SLC36A1: variants seen among roughly 807,000 people sequenced by gnomAD.
SLC36A1 encodes the protein proton-coupled amino acid transporter 1.
In SLC36A1, 30 loss-of-function variants were observed where a neutral mutation model predicts 47.5. That is an observed-to-expected ratio of 0.63 (90% CI 0.47 to 0.86). The LOEUF (loss-of-function observed/expected upper bound fraction) is 0.86. Ranked by LOEUF, SLC36A1 falls within the 40% of genes least tolerant of loss-of-function variation. SLC36A1 has a pLI of 0.00. For missense variants in SLC36A1, 517 were observed against 606.0 expected (o/e 0.85, Z 1.54); for synonymous variants, 255 against 249.7 (o/e 1.02, Z -0.20).
At chr5:151,476,788 A>G in intron 9 of SLC36A1, 32 bp downstream of exon 9, 1 of 1,610,692 alleles carries the variant, frequency 6.2e-7, no homozygotes, top group Non-Finnish European at 8.5e-7. Flanking sequence ...ACCTAGGAGC[A>G]CTGGATATTT....
chr5:151,371,823 T>C, the SLC36A1 span, among the ~76,000 whole-genome samples: 1 of 152,192 alleles, frequency 6.6e-6, no homozygotes, highest in African/African-American at 2.4e-5. Flanking sequence ...AGGGGATAAA[T>C]GTGTACTGAT....
At chr5:151,465,252 TA>T in intron 5 of SLC36A1, 83 bp downstream of exon 5, 1 of 1,094,604 alleles carries the variant, frequency 9.1e-7, no homozygotes, top group Non-Finnish European at 1.4e-6. Flanking sequence ...GGAGACAGTG[TA>T]AAGCGTGGAA....
At chr5:151,513,370 A>G in the SLC36A1 span, among the ~76,000 whole-genome samples, 1 of 152,252 alleles carries the variant, frequency 6.6e-6, no homozygotes, top group African/African-American at 2.4e-5. Flanking sequence ...TGGGCTGGAT[A>G]AAGAAAATAT....
upstream of SLC36A1, among the ~76,000 whole-genome samples, chr5:151,442,912 G>T (rs961066070): frequency 6.6e-6 from 1 of 151,944 alleles, no homozygotes; most frequent in South Asian, 2.1e-4. Flanking sequence ...TTCTTTCTGT[G>T]TCTGGCTTAT....
chr5:151,464,815 A>G (rs1033627901), intron 4 of SLC36A1, among the ~76,000 whole-genome samples: 3 of 152,178 alleles, frequency 2.0e-5, no homozygotes, highest in African/African-American at 7.2e-5. Flanking sequence ...CCCAGTGGGT[A>G]CTACATTCTA....
chr5:151,441,710 T>C (rs1338075501), intron 1 of SLC36A1, among the ~76,000 whole-genome samples: 1 of 152,170 alleles, frequency 6.6e-6, no homozygotes, highest in Non-Finnish European at 1.5e-5. Flanking sequence ...TTCTATATTG[T>C]CTAACTTTTA....
chr5:151,516,477 C>G, the SLC36A1 span, among the ~76,000 whole-genome samples: 3 of 152,182 alleles, frequency 2.0e-5, no homozygotes, highest in Non-Finnish European at 4.4e-5. Flanking sequence ...GATCATGCCA[C>G]TGCCCTCCAG....
the SLC36A1 span, among the ~76,000 whole-genome samples, chr5:151,410,848 G>A: frequency 6.9e-6 from 1 of 144,484 alleles, no homozygotes; most frequent in Non-Finnish European, 1.5e-5. Context: ...GATAATTCTT[G>A]GTTGGGAGGG....
the SLC36A1 span, among the ~76,000 whole-genome samples, chr5:151,428,063 C>T: frequency 3.9e-5 from 6 of 152,272 alleles, no homozygotes; most frequent in African/African-American, 4.8e-5. Flanking sequence ...TTCAGCCTCC[C>T]GATTGTGGTG....
upstream of SLC36A1, among the ~76,000 whole-genome samples, chr5:151,446,189 A>G (rs1406884165): frequency 2.0e-5 from 3 of 152,178 alleles, no homozygotes; most frequent in Non-Finnish European, 2.9e-5. Flanking sequence ...ATTGTCTGAA[A>G]ATATTTTTTA....
the SLC36A1 span, among the ~76,000 whole-genome samples, chr5:151,555,596 C>T: frequency 1.3e-5 from 2 of 152,188 alleles, no homozygotes; most frequent in African/African-American, 2.4e-5. Context: ...TCTTGAACTC[C>T]TAACCCCAAG....
At chr5:151,478,373 A>G (rs1758359719) in intron 9 of SLC36A1, among the ~76,000 whole-genome samples, 1 of 152,332 alleles carries the variant, frequency 6.6e-6, no homozygotes, top group South Asian at 2.1e-4. Context: ...TACTCTGTGC[A>G]GTCAAGGCAC....
chr5:151,350,883 T>G, the SLC36A1 span, among the ~76,000 whole-genome samples: 1 of 151,970 alleles, frequency 6.6e-6, no homozygotes. Context: ...TTTTTTGTAG[T>G]GATGGGGTTT....
the SLC36A1 span, chr5:151,531,797 G>C: frequency 6.2e-7 from 1 of 1,613,058 alleles, no homozygotes; most frequent in African/African-American, 1.3e-5. The surrounding 1 kb of genome is among the most constrained non-coding windows in gnomAD (Gnocchi z 5.7). Context: ...ACGGTGCCCA[G>C]CGTGGACAGC....
At chr5:151,422,922 A>C in the SLC36A1 span, among the ~76,000 whole-genome samples, 3 of 152,156 alleles carry the variant, frequency 2.0e-5, no homozygotes, top group Non-Finnish European at 4.4e-5. Context: ...ATTCTGGGCA[A>C]CAGAGTGAGA....
chr5:151,379,709 CA>C, the SLC36A1 span, among the ~76,000 whole-genome samples: 5 of 152,170 alleles, frequency 3.3e-5, no homozygotes, highest in African/African-American at 4.8e-5. Flanking sequence ...TAACTTAACA[CA>C]ATATACCCCA....
intron 10 of SLC36A1, among the ~76,000 whole-genome samples, chr5:151,483,984 A>G (rs1451175737): frequency 6.6e-6 from 1 of 152,232 alleles, no homozygotes; most frequent in Non-Finnish European, 1.5e-5. Context: ...AGGCATGTTT[A>G]TCTTATATAG....
At chr5:151,502,438 T>C in the SLC36A1 span, among the ~76,000 whole-genome samples, 2 of 148,370 alleles carry the variant, frequency 1.3e-5, no homozygotes, top group Non-Finnish European at 2.9e-5. Flanking sequence ...CAAAGAACTC[T>C]TAATACTCAA....
At chr5:151,498,690 A>G in the SLC36A1 span, among the ~76,000 whole-genome samples, 3 of 152,194 alleles carry the variant, frequency 2.0e-5, no homozygotes, top group Non-Finnish European at 2.9e-5. Flanking sequence ...CCCAGCTGTC[A>G]GAACTACCCA....
Sources: gnomAD v4.1 joint callset for allele counts (sites outside exome capture counted in the v4.1 genomes callset) on GRCh38, gnomAD v4.1.1 for gene constraint, Gnocchi (gnomAD v3.1) non-coding constraint, MANE v1.5 for transcripts, NCBI Gene and HGNC (gene_info 2026-07-23, HGNC 2026-07-21) for gene names.